The following CSMD1 variants were observed in gnomAD, a reference collection of about 807,000 sequenced individuals.
CSMD1 encodes CUB and sushi domain-containing protein 1.
CSMD1 carries 213 observed loss-of-function variants against 417.5 expected under a neutral mutation model. The observed-to-expected ratio is 0.51, with a 90% CI of 0.46 to 0.57. CSMD1 has a LOEUF of 0.57. Among genes scored for constraint, CSMD1 ranks in the 20% least tolerant of loss-of-function variants. The pLI is 0.00. For missense variants in CSMD1, 6,923 were observed against 4,529.7 expected (o/e 1.53, Z -15.17); for synonymous variants, 2,862 against 1,736.8 (o/e 1.65, Z -16.11).
At chr8:4,003,607 C>A (rs1196931359) in intron 4 of CSMD1, among the ~76,000 whole-genome samples, 1 of 152,030 alleles carries the variant, frequency 6.6e-6, no homozygotes, top group African/African-American at 2.4e-5. Flanking sequence ...CACTGAAATG[C>A]CTTCTAATAT....
chr8:4,096,527 T>A (rs916825237), intron 3 of CSMD1, among the ~76,000 whole-genome samples: 2 of 152,108 alleles, frequency 1.3e-5, no homozygotes, highest in African/African-American at 4.8e-5. Flanking sequence ...TAGAAAAAAC[T>A]GAGAATGTTA....
At chr8:3,256,268 A>G (rs1283856153) in intron 26 of CSMD1, among the ~76,000 whole-genome samples, 1 of 143,028 alleles carries the variant, frequency 7.0e-6, no homozygotes, top group African/African-American at 2.6e-5. Flanking sequence ...CAGAGGTTTC[A>G]GTGGGCTGAT....
intron 8 of CSMD1, among the ~76,000 whole-genome samples, chr8:3,608,266 T>G (rs563320337): frequency 3.3e-4 from 50 of 151,862 alleles, no homozygotes; most frequent in Admixed American, 1.4e-3. Flanking sequence ...GGACAGATAT[T>G]GCAGCTCATG....
intron 5 of CSMD1, among the ~76,000 whole-genome samples, chr8:3,928,893 C>T (rs966348683): frequency 6.8e-6 from 1 of 146,798 alleles, no homozygotes; most frequent in Non-Finnish European, 1.5e-5. Flanking sequence ...TGTTGCTTAT[C>T]AGTGATCTTT....
intron 26 of CSMD1, among the ~76,000 whole-genome samples, chr8:3,242,355 G>A (rs1334886037): frequency 6.6e-6 from 1 of 151,606 alleles, no homozygotes; most frequent in African/African-American, 2.4e-5. Flanking sequence ...CGACGCTTGG[G>A]GTTGGGACTG....
At chr8:4,178,562 T>A (rs1426014324) in intron 3 of CSMD1, among the ~76,000 whole-genome samples, 2 of 151,154 alleles carry the variant, frequency 1.3e-5, no homozygotes, top group Non-Finnish European at 2.9e-5. Context: ...TTCAACATAG[T>A]GTTGGAAGTT....
chr8:4,288,196 T>TGC (rs745565954), intron 3 of CSMD1, among the ~76,000 whole-genome samples: 7 of 152,142 alleles, frequency 4.6e-5, no homozygotes, highest in Non-Finnish European at 1.0e-4. Context: ...TTACTGGTAC[T>TGC]GCAGTGGATG....
chr8:3,349,830 A>G (rs1056319508), intron 21 of CSMD1, among the ~76,000 whole-genome samples: 1 of 138,716 alleles, frequency 7.2e-6, no homozygotes, highest in African/African-American at 2.6e-5. Context: ...TAAAATATAT[A>G]TAATATATCT....
At chr8:4,973,586 A>T (rs1480783232) in intron 1 of CSMD1, among the ~76,000 whole-genome samples, 1 of 152,172 alleles carries the variant, frequency 6.6e-6, no homozygotes, top group African/African-American at 2.4e-5. Flanking sequence ...ATCAAACATA[A>T]AATTGACTTA....
intron 63 of CSMD1, among the ~76,000 whole-genome samples, chr8:2,956,586 T>G (rs1420691724): frequency 6.6e-6 from 1 of 152,136 alleles, no homozygotes; most frequent in Non-Finnish European, 1.5e-5. Context: ...CCCCAGTAGC[T>G]GGGACTACAG....
chr8:4,473,580 G>A (rs1173130306), intron 2 of CSMD1, among the ~76,000 whole-genome samples: 1 of 152,148 alleles, frequency 6.6e-6, no homozygotes, highest in African/African-American at 2.4e-5. Flanking sequence ...TAGTAGTTAT[G>A]CACAAATACG....
chr8:4,081,571 G>C (rs1297739244), intron 3 of CSMD1, among the ~76,000 whole-genome samples: 1 of 152,052 alleles, frequency 6.6e-6, no homozygotes, highest in Non-Finnish European at 1.5e-5. Flanking sequence ...TGACCTAGTT[G>C]ACCCAGAACA....
intron 7 of CSMD1, among the ~76,000 whole-genome samples, chr8:3,618,111 C>A (rs981499022): frequency 6.6e-6 from 1 of 152,090 alleles, no homozygotes; most frequent in Admixed American, 6.6e-5. Context: ...AAGCGATACT[C>A]CCGTCTCAGC....
intron 3 of CSMD1, among the ~76,000 whole-genome samples, chr8:4,233,785 T>C (rs1223342967): frequency 6.6e-6 from 1 of 152,160 alleles, no homozygotes; most frequent in Non-Finnish European, 1.5e-5. Context: ...TGAGAAGAAG[T>C]AGAGTATCTT....
At chr8:3,463,606 C>T (rs915234852) in intron 12 of CSMD1, among the ~76,000 whole-genome samples, 2 of 152,210 alleles carry the variant, frequency 1.3e-5, no homozygotes, top group Non-Finnish European at 2.9e-5. Context: ...TCACTTTCTA[C>T]AAGGACCAGT....
intron 29 of CSMD1, 112 bp from the exon 30 acceptor site, chr8:3,214,803 C>T: frequency 1.6e-6 from 1 of 612,578 alleles, no homozygotes; most frequent in South Asian, 3.7e-5. Flanking sequence ...AGAACAATGT[C>T]CTAAATAAGT....
At position 3,348,244 on chromosome 8, in the gene CSMD1, T is replaced by C. The variant is rs896439968; in HGVS notation, c.3305-83A>G. ...CAGATTAAAAACTTTAAAATCATGA[T>C]AGCCTCCTCTTCTATCAACGTATGT... is the stretch of plus-strand genomic sequence containing the variant. On this transcript the variant is annotated intron_variant, in intron 21 of 69. Transcript: ENST00000635120. The C allele has an allele frequency of 2.9e-5, 27 of 935,046 alleles. No homozygotes were observed. The African/African-American group carries it at 3.4e-4, about 12-fold the overall frequency. The allele number at this position is 935,046 out of a possible 1,614,324, so 57.9% of individuals were successfully genotyped here.
At chr8:3,217,135 G>A (rs1295166750) in intron 29 of CSMD1, among the ~76,000 whole-genome samples, 1 of 152,086 alleles carries the variant, frequency 6.6e-6, no homozygotes, top group East Asian at 1.9e-4. Flanking sequence ...ACTGCTCCAG[G>A]CTGGAAGAAA....
intron 46 of CSMD1, among the ~76,000 whole-genome samples, chr8:3,097,809 T>C (rs554501934): frequency 6.6e-6 from 1 of 152,172 alleles, no homozygotes; most frequent in Non-Finnish European, 1.5e-5. Flanking sequence ...AAACGTTCGA[T>C]GTGATTGCTC....
Sources: gnomAD v4.1 joint callset for allele counts (sites outside exome capture counted in the v4.1 genomes callset) on GRCh38, gnomAD v4.1.1 for gene constraint, MANE v1.5 for transcripts, NCBI Gene and HGNC (gene_info 2026-07-23, HGNC 2026-07-21) for gene names.